LGALS4: variants seen among roughly 807,000 people sequenced by gnomAD.
LGALS4 encodes the protein galectin 4.
LGALS4 carries 37 observed loss-of-function variants against 39.6 expected under a neutral mutation model. The ratio of observed to expected loss-of-function variants is 0.93; its 90% CI spans 0.72 to 1.23. The LOEUF is 1.23. LGALS4 is among the 50% of genes most tolerant of loss of function. The probability of loss-of-function intolerance (pLI) is 0.00; values close to 1 mark genes in which losing one functional copy is unlikely to be tolerated. For synonymous variants in LGALS4, 160 were observed against 165.5 expected (o/e 0.97, Z 0.25); for missense variants, 397 against 433.2 (o/e 0.92, Z 0.74).
intron 4 of LGALS4, among the ~76,000 whole-genome samples, chr19:38,805,772 A>G (rs1227672237): frequency 1.3e-5 from 2 of 152,178 alleles, no homozygotes; most frequent in South Asian, 2.1e-4. Context: ...TGCTTGGGAA[A>G]TAAATGAATG....
At chr19:38,806,665 G>A in intron 3 of LGALS4, 70 bp from the exon 4 acceptor site, 2 of 1,562,834 alleles carry the variant, frequency 1.3e-6, no homozygotes, top group Non-Finnish European at 1.8e-6. Context: ...AGGAAGCAAG[G>A]GCAGGGCACC....
In LGALS4 at chr19:38,802,042, C is replaced by G. The variant is rs1202552777; in HGVS notation, c.775G>C (p.Glu259Gln). The part of the protein sequence containing the change: ...NSLLNGSWGS[E>Q]EKKITHNPFG... ...GGGTTGTGGGTGATCTTCTTCTCCTCGGATCCCCACGAGCCATTCAGAAGG... is the reference window on the plus strand; with the variant it reads ...GGGTTGTGGGTGATCTTCTTCTCCTGGGATCCCCACGAGCCATTCAGAAGG... The change falls in exon 9 of 10, where the codon GAG becomes CAG. Residue 259 changes from glutamate to glutamine, a missense_variant. By Grantham distance (29) the Glu-to-Gln change is conservative (BLOSUM62 2). Coordinates refer to ENST00000307751, the MANE Select transcript of LGALS4 (RefSeq NM_006149.4). 1 of 1,614,194 alleles carries G rather than the reference C, an allele frequency of 6.2e-7. No homozygotes were observed. Among genetic ancestry groups the G allele is most frequent in the Non-Finnish European group, 8.5e-7 (1 of 1,180,024 alleles).
chr19:38,807,659 G>A (rs1295106941), intron 3 of LGALS4, among the ~76,000 whole-genome samples: 2 of 152,150 alleles, frequency 1.3e-5, no homozygotes, highest in African/African-American at 2.4e-5. Flanking sequence ...GGGCCATGAT[G>A]ACGATGGCGG....
chr19:38,803,496 T>C, intron 7 of LGALS4, 26 bp downstream of exon 7: 1 of 1,611,046 alleles, frequency 6.2e-7, no homozygotes, highest in Non-Finnish European at 8.5e-7. Flanking sequence ...CTCCCCACCA[T>C]CCATCTCTGT....
At chr19:38,810,776 C>T (rs1386448399) in intron 2 of LGALS4, among the ~76,000 whole-genome samples, 2 of 152,002 alleles carry the variant, frequency 1.3e-5, no homozygotes, top group Non-Finnish European at 2.9e-5. Flanking sequence ...CATGCCCGGC[C>T]AGGCCACCCT....
At position 38,812,528 on chromosome 19, in the gene LGALS4, G is replaced by C. The variant is rs769803220; in HGVS notation, c.46-9C>G. 2 of 1,612,940 alleles carry C rather than the reference G, an allele frequency of 1.2e-6. No homozygotes were observed. The highest frequency in any genetic ancestry group is 1.7e-6 in the Non-Finnish European group (2 of 1,179,090). ...TGGTAGTAAGGCAGCGTCTGGAGAAGAGGCCTGGTGAGGGGACTCACAAGC... is the reference window on the plus strand; with the variant it reads ...TGGTAGTAAGGCAGCGTCTGGAGAACAGGCCTGGTGAGGGGACTCACAAGC... On this transcript the variant is annotated splice_polypyrimidine_tract_variant and intron_variant, in intron 1 of 9. Transcript: ENST00000307751.
Position 38,812,479 on chromosome 19 carries a change from ACGTTGAGCCC to A in LGALS4, c.76_85del (p.Gly26TrpfsTer15). 1 of 1,614,168 alleles carries A rather than the reference ACGTTGAGCCC, an allele frequency of 6.2e-7. No individual in the cohort carries two copies. Among genetic ancestry groups the A allele is most frequent in the Non-Finnish European group, 8.5e-7 (1 of 1,180,012 alleles). Reference sequence around the variant, plus strand: ...TCCTTGGATGTAAACAGACATTCCCACGTTGAGCCCGCCCGGGATGGGCTGGTAGTAAGGC... The same window carrying A: ...TCCTTGGATGTAAACAGACATTCCCAGCCCGGGATGGGCTGGTAGTAAGGC... On this transcript the variant is annotated frameshift_variant, in exon 2 of 10. Transcript: ENST00000307751. LOFTEE classifies it high-confidence loss of function.
chr19:38,807,848 G>C (rs1043980537), intron 3 of LGALS4, among the ~76,000 whole-genome samples: 10 of 152,270 alleles, frequency 6.6e-5, no homozygotes, highest in East Asian at 5.8e-4. Context: ...GAGACATGTG[G>C]TGTGTCAACT....
At chr19:38,810,011 T>C (rs959460199) in intron 2 of LGALS4, among the ~76,000 whole-genome samples, 5 of 152,198 alleles carry the variant, frequency 3.3e-5, no homozygotes, top group African/African-American at 4.8e-5. Context: ...TTGAAATTAC[T>C]CCCCAGGACA....
chr19:38,802,916 G>C (rs1971374771), intron 7 of LGALS4: 1 of 159,274 alleles, frequency 6.3e-6, no homozygotes, highest in Admixed American at 6.1e-5. Context: ...GACCTCAAGT[G>C]ATCCACCTGC....
rs746123416 is a variant in LGALS4, at chr19:38,812,823, G to C, written c.45+19C>G. On this transcript the variant is annotated intron_variant, in intron 1 of 9. Transcript: ENST00000307751. ...TGGACGGAGCTGCGGGCGGAGTGGGGCCTGAGCTGGCATCTCACCGGGTTG... is the reference window on the plus strand; with the variant it reads ...TGGACGGAGCTGCGGGCGGAGTGGGCCCTGAGCTGGCATCTCACCGGGTTG... The C allele has an allele frequency of 3.7e-6, 6 of 1,610,042 alleles. No individual in the cohort carries two copies. The highest frequency in any genetic ancestry group is 4.2e-6 in the Non-Finnish European group (5 of 1,179,520).
Position 38,803,895 on chromosome 19 carries a change from C to A in LGALS4, c.475G>T (p.Gly159Ter), listed in dbSNP as rs1971392223. ...GGGTAAGGTGGCATCATCGGGGGTC[C>A]CTGTGGGCACAGAAAGAGAAAGCGG... ...FIGGQPLRPQ[G>*]PPMMPPYPGP... The change falls in exon 5 of 10, where the codon GGA (glycine) becomes TGA (stop). Residue 159 changes from glycine to a stop codon, truncating the protein, a stop_gained and splice_region_variant. Coordinates refer to ENST00000307751, the MANE Select transcript of LGALS4 (RefSeq NM_006149.4). LOFTEE classifies it high-confidence loss of function. The A allele has an allele frequency of 6.2e-7, 1 of 1,608,226 alleles. No individual in the cohort carries two copies. The highest frequency in any genetic ancestry group is 1.3e-5 in the African/African-American group (1 of 74,774).
At chr19:38,807,451 GC>G (rs1971435312) in intron 3 of LGALS4, among the ~76,000 whole-genome samples, 1 of 152,182 alleles carries the variant, frequency 6.6e-6, no homozygotes, top group Admixed American at 6.6e-5. Flanking sequence ...AAGACTCTCA[GC>G]AGTAGGGTAA....
At chr19:38,809,065 A>G in intron 2 of LGALS4, 117 bp from the exon 3 acceptor site, 1 of 834,466 alleles carries the variant, frequency 1.2e-6, no homozygotes. Flanking sequence ...GGACCTCAGC[A>G]CCAGCTCTGA....
intron 2 of LGALS4, among the ~76,000 whole-genome samples, chr19:38,810,604 C>T (rs552983179): frequency 7.9e-5 from 12 of 152,046 alleles, no homozygotes; most frequent in South Asian, 4.2e-4. Context: ...CCTCGTGATC[C>T]GCCCGTCTCT....
intron 2 of LGALS4, among the ~76,000 whole-genome samples, chr19:38,811,906 A>G (rs1971497612): frequency 6.6e-6 from 1 of 151,998 alleles, no homozygotes; most frequent in Non-Finnish European, 1.5e-5. Flanking sequence ...CCAGCTACTC[A>G]AGAGGCTGAG....
chr19:38,804,643 A>G (rs760535082), intron 4 of LGALS4, among the ~76,000 whole-genome samples: 1 of 152,016 alleles, frequency 6.6e-6, no homozygotes, highest in Non-Finnish European at 1.5e-5. Context: ...ATTCTCAGCC[A>G]GCTATTCTGA....
At position 38,812,505 on chromosome 19, in the gene LGALS4, G is replaced by A. The variant is rs1335157993; in HGVS notation, c.60C>T (p.Tyr20=). The change falls in exon 2 of 10, where the codon TAC becomes TAT. Residue 20 remains tyrosine, a synonymous_variant. Coordinates refer to ENST00000307751, the MANE Select transcript of LGALS4 (RefSeq NM_006149.4). The part of the protein sequence containing the change: ...QPTYNPTLPY[Y]QPIPGGLNVG... ...CGTTGAGCCCGCCCGGGATGGGCTG[G>A]TAGTAAGGCAGCGTCTGGAGAAGAG... 1 of 1,614,166 alleles carries A rather than the reference G, an allele frequency of 6.2e-7. No homozygotes were observed. The highest frequency in any genetic ancestry group is 1.1e-5 in the South Asian group (1 of 91,078).
intron 3 of LGALS4, among the ~76,000 whole-genome samples, chr19:38,807,635 C>T (rs533592104): frequency 3.3e-5 from 5 of 151,878 alleles, no homozygotes; most frequent in African/African-American, 1.2e-4. Flanking sequence ...GAAGAGACAG[C>T]GACCATCAAG....
Sources: allele counts gnomAD v4.1 joint callset (sites outside exome capture counted in the v4.1 genomes callset), GRCh38; gene constraint gnomAD v4.1.1; transcripts MANE v1.5; gene names NCBI Gene and HGNC (gene_info 2026-07-23, HGNC 2026-07-21).